The following EXT2 variants were observed in gnomAD, a reference collection of about 807,000 sequenced individuals.
EXT2 encodes the protein exostosin glycosyltransferase 2.
In EXT2, 53 loss-of-function variants were observed where a neutral mutation model predicts 81.6. That is an observed-to-expected ratio of 0.65 (90% CI 0.52 to 0.82). The LOEUF (loss-of-function observed/expected upper bound fraction) is 0.82, where lower values mean the gene tolerates loss of function less well. EXT2 is among the 40% of genes least tolerant of loss of function. The pLI, the probability that EXT2 is intolerant of heterozygous loss-of-function variation, is 0.00. For missense variants in EXT2, 774 were observed against 910.2 expected (o/e 0.85, Z 1.93); for synonymous variants, 320 against 340.0 (o/e 0.94, Z 0.65).
chr11:44,141,390 GA>G (rs144244600), intron 7 of EXT2, among the ~76,000 whole-genome samples: 1,766 of 152,256 alleles, frequency 0.012, 27 homozygotes, highest in African/African-American at 0.038. Context: ...AAATACAAGG[GA>G]CCAACTGTAA....
At chr11:44,196,877 A>G (rs962921795) in intron 8 of EXT2, among the ~76,000 whole-genome samples, 2 of 152,150 alleles carry the variant, frequency 1.3e-5, no homozygotes, top group Non-Finnish European at 2.9e-5. Context: ...TGCTCTTGAA[A>G]TGCCTGTGAT....
intron 1 of EXT2, among the ~76,000 whole-genome samples, chr11:44,101,853 C>A (rs1953987028): frequency 6.6e-6 from 1 of 151,290 alleles, no homozygotes; most frequent in African/African-American, 2.4e-5. Context: ...GGACTCACAA[C>A]TGGGGAATCT....
rs537742658 is a variant in EXT2 at position 44,246,880 on chromosome 11, G to A, written c.*2593G>A. Among the ~76,000 whole-genome samples the A allele has an allele frequency of 2.6e-5, 4 of 152,312 alleles. No homozygotes were observed. The highest frequency in any genetic ancestry group is 2.1e-4 in the South Asian group (1 of 4,822). On this transcript the variant is annotated 3_prime_UTR_variant, in exon 14 of 14. Coordinates refer to ENST00000533608, the MANE Select transcript of EXT2 (RefSeq NM_207122.2). Reference sequence around the variant, plus strand: ...GAACAATCATGCTAATTAAAATGTCGTGTTCTGGCCTACAGCAGACAACAG... The same window carrying A: ...GAACAATCATGCTAATTAAAATGTCATGTTCTGGCCTACAGCAGACAACAG...
intron 9 of EXT2, among the ~76,000 whole-genome samples, chr11:44,204,538 G>T (rs192079107): frequency 2.9e-4 from 44 of 152,300 alleles, no homozygotes; most frequent in Non-Finnish European, 5.7e-4. Context: ...ACAGGGCGGG[G>T]TCCCCAACCC....
At chr11:44,190,063 C>A (rs937477343) in intron 8 of EXT2, among the ~76,000 whole-genome samples, 4 of 152,160 alleles carry the variant, frequency 2.6e-5, no homozygotes, top group Non-Finnish European at 4.4e-5. Context: ...CCCTTATGCA[C>A]GTTAGTAATA....
intron 8 of EXT2, among the ~76,000 whole-genome samples, chr11:44,184,964 A>G (rs1350256477): frequency 1.3e-5 from 2 of 152,218 alleles, no homozygotes; most frequent in Admixed American, 6.5e-5. Context: ...GCAAAACAAT[A>G]AGCAAACATA....
chr11:44,183,883 A>G (rs1354320332), intron 8 of EXT2, among the ~76,000 whole-genome samples: 3 of 152,084 alleles, frequency 2.0e-5, no homozygotes, highest in African/African-American at 7.2e-5. Context: ...CTTACTTTAT[A>G]TTCTTCATCC....
chr11:44,244,327 A>G lies in EXT2; in HGVS notation c.*40A>G. The G allele has an allele frequency of 6.2e-7, 1 of 1,612,250 alleles. No individual in the cohort carries two copies. The highest frequency in any genetic ancestry group is 8.5e-7 in the Non-Finnish European group (1 of 1,178,344). ...GGAGGTCTGAATGTGAGGCTGGGAC[A>G]GAGGGAGAGAACAAGGCCTCCCAGC... On this transcript the variant is annotated 3_prime_UTR_variant, in exon 14 of 14. Coordinates refer to ENST00000533608, the MANE Select transcript of EXT2 (RefSeq NM_207122.2).
chr11:44,112,298 A>T (rs574475753), intron 3 of EXT2, among the ~76,000 whole-genome samples: 14 of 152,198 alleles, frequency 9.2e-5, no homozygotes, highest in Non-Finnish European at 1.8e-4. Context: ...GCAGCCCTGC[A>T]AAGTGCTAAA....
intron 10 of EXT2, among the ~76,000 whole-genome samples, chr11:44,224,281 GC>G (rs1162016647): frequency 6.6e-6 from 1 of 152,016 alleles, no homozygotes; most frequent in African/African-American, 2.4e-5. Flanking sequence ...ATGTTGGATT[GC>G]CTTTTCTGAA....
At chr11:44,173,749 T>C (rs1036831196) in intron 8 of EXT2, among the ~76,000 whole-genome samples, 2 of 151,940 alleles carry the variant, frequency 1.3e-5, no homozygotes, top group Admixed American at 1.3e-4. Flanking sequence ...TTTGTGTTTT[T>C]AGTGGAGACG....
At chr11:44,204,393 G>C (rs564332714) in intron 9 of EXT2, among the ~76,000 whole-genome samples, 1 of 152,296 alleles carries the variant, frequency 6.6e-6, no homozygotes, top group Admixed American at 6.5e-5. Context: ...GTGTGTGTGT[G>C]TGTGTATCCT....
intron 9 of EXT2, among the ~76,000 whole-genome samples, chr11:44,206,179 A>G (rs1439709431): frequency 6.6e-6 from 1 of 152,262 alleles, no homozygotes; most frequent in Non-Finnish European, 1.5e-5. Flanking sequence ...CTCATTCAAT[A>G]AAACATACTT....
At chr11:44,179,217 A>C (rs78363722) in intron 8 of EXT2, among the ~76,000 whole-genome samples, 1 of 152,318 alleles carries the variant, frequency 6.6e-6, no homozygotes, top group African/African-American at 2.4e-5. Context: ...TATTGCTAAG[A>C]TGATCTTGTC....
intron 8 of EXT2, among the ~76,000 whole-genome samples, chr11:44,179,843 C>G (rs899883752): frequency 6.6e-6 from 1 of 151,998 alleles, no homozygotes; most frequent in Admixed American, 6.6e-5. Flanking sequence ...GAGGTTGATT[C>G]TTGACTTTTG....
At position 44,251,785 on chromosome 11, in the gene EXT2, T is replaced by C. The variant is rs1956139981; in HGVS notation, c.*7498T>C. Among the ~76,000 whole-genome samples the C allele has an allele frequency of 6.6e-6, 1 of 152,192 alleles. No homozygotes were observed. The highest frequency in any genetic ancestry group is 2.4e-5 in the African/African-American group (1 of 41,444). On this transcript the variant is annotated 3_prime_UTR_variant, in exon 14 of 14. Transcript: ENST00000533608. ...AACCTGATGTGATGGGTTCCTTCAG[T>C]CAACAAATACTTATTGAGCAGTTAT... is the stretch of plus-strand genomic sequence containing the variant.
chr11:44,186,982 T>TTTCCTTCCTTCCTTCCTTCCTTCC (rs71035681), intron 8 of EXT2, among the ~76,000 whole-genome samples: 5 of 78,844 alleles, frequency 6.3e-5, no homozygotes, highest in African/African-American at 1.5e-4. Flanking sequence ...TTGTACAAAA[T>TTTCCTTCCTTCCTTCCTTCCTTCC]TTCCTTCCTT....
chr11:44,233,184 T>G (rs373019069), intron 11 of EXT2, among the ~76,000 whole-genome samples: 27 of 152,272 alleles, frequency 1.8e-4, no homozygotes, highest in African/African-American at 6.3e-4. Context: ...TCTAAGCATA[T>G]ATATGTTGTG....
rs1023503135 is a variant in EXT2, at chr11:44,248,911, G to A, written c.*4624G>A. Among the ~76,000 whole-genome samples, 12 of 152,168 alleles carry A rather than the reference G, an allele frequency of 7.9e-5. 1 individual carries two copies. Among genetic ancestry groups the A allele is most frequent in the African/African-American group, 2.9e-4 (12 of 41,422 alleles). On this transcript the variant is annotated 3_prime_UTR_variant, in exon 14 of 14. Coordinates refer to ENST00000533608, the MANE Select transcript of EXT2 (RefSeq NM_207122.2). ...TTTTCAAGAAATAGTTGAGTCACCA[G>A]CATCTGTATCTGGCATTTTGTTTCT...
Sources: gnomAD v4.1 joint callset for allele counts (sites outside exome capture counted in the v4.1 genomes callset) on GRCh38, gnomAD v4.1.1 for gene constraint, MANE v1.5 for transcripts, NCBI Gene and HGNC (gene_info 2026-07-23, HGNC 2026-07-21) for gene names.